The following LOXL2 variants were observed in gnomAD, a reference collection of about 807,000 sequenced individuals.
LOXL2 encodes the protein lysyl oxidase homolog 2.
In LOXL2, 70 loss-of-function variants were observed where a neutral mutation model predicts 93.0. That is an observed-to-expected ratio of 0.75 (90% CI 0.62 to 0.92). LOXL2 has a LOEUF of 0.92. LOXL2 is among the 40% of genes least tolerant of loss of function. LOXL2 has a pLI of 0.00. For synonymous variants in LOXL2, 438 were observed against 413.2 expected (o/e 1.06, Z -0.73); for missense variants, 973 against 1,054.9 (o/e 0.92, Z 1.08).
intron 3 of LOXL2, among the ~76,000 whole-genome samples, chr8:23,342,289 T>C (rs575717861): frequency 1.6e-3 from 237 of 151,588 alleles, no homozygotes; most frequent in African/African-American, 5.5e-3. Flanking sequence ...AGACATGCCA[T>C]AACAGGCTCC....
intron 7 of LOXL2, among the ~76,000 whole-genome samples, chr8:23,321,538 A>T (rs1038491685): frequency 2.6e-5 from 4 of 152,136 alleles, no homozygotes; most frequent in Admixed American, 6.5e-5. Flanking sequence ...GTGACAATGG[A>T]GCGTATGGGA....
At chr8:23,387,848 A>T (rs931003075) in intron 1 of LOXL2, among the ~76,000 whole-genome samples, 1 of 151,974 alleles carries the variant, frequency 6.6e-6, no homozygotes, top group Non-Finnish European at 1.5e-5. Flanking sequence ...TACTTGGGAG[A>T]CTGAGGCAGG....
intron 1 of LOXL2, among the ~76,000 whole-genome samples, chr8:23,382,234 G>A (rs574485393): frequency 6.6e-6 from 1 of 152,146 alleles, no homozygotes; most frequent in South Asian, 2.1e-4. Flanking sequence ...AATGCAATCA[G>A]CGGCCAGGCA....
intron 5 of LOXL2, 86 bp from the exon 6 acceptor site, chr8:23,328,651 C>A: frequency 1.5e-6 from 2 of 1,325,024 alleles, no homozygotes; most frequent in South Asian, 1.2e-5. Context: ...CCTTCCCTGC[C>A]ACCCTGTTCC....
chr8:23,375,685 G>C (rs936080689), intron 1 of LOXL2, among the ~76,000 whole-genome samples: 1 of 152,030 alleles, frequency 6.6e-6, no homozygotes, highest in African/African-American at 2.4e-5. Flanking sequence ...TGGATTACTA[G>C]GTATTTTATT....
chr8:23,354,598 G>A (rs1184581007), intron 3 of LOXL2, among the ~76,000 whole-genome samples: 2 of 152,074 alleles, frequency 1.3e-5, no homozygotes, highest in African/African-American at 4.8e-5. Context: ...CTGTGTGTGT[G>A]TGTGTGTGTT....
intron 2 of LOXL2, among the ~76,000 whole-genome samples, chr8:23,362,254 T>A (rs1284198053): frequency 6.6e-6 from 1 of 152,086 alleles, no homozygotes; most frequent in Non-Finnish European, 1.5e-5. Context: ...TTGTATGGGG[T>A]ATCTAGAGGA....
chr8:23,297,852 G>A lies in LOXL2; in HGVS notation c.*191C>T, dbSNP rs11785468. The A allele has an allele frequency of 0.015, 8,695 of 561,738 alleles. 113 individuals are homozygous for A. The highest frequency in any genetic ancestry group is 0.021 in the Non-Finnish European group (6,627 of 315,416). 34.8% of individuals were successfully genotyped at this position (561,738 alleles called of 1,614,324 possible). ...AGGCCTTCTCAGGCCCCAAGGGTCAGGTAGCAGCCCCCCATGAATGATGGG... is the reference window on the plus strand; with the variant it reads ...AGGCCTTCTCAGGCCCCAAGGGTCAAGTAGCAGCCCCCCATGAATGATGGG... On this transcript the variant is annotated 3_prime_UTR_variant, in exon 14 of 14. Coordinates refer to ENST00000389131, the MANE Select transcript of LOXL2 (RefSeq NM_002318.3).
chr8:23,314,544 C>T (rs1275574605), intron 9 of LOXL2, among the ~76,000 whole-genome samples: 2 of 139,828 alleles, frequency 1.4e-5, no homozygotes, highest in Non-Finnish European at 3.1e-5. Flanking sequence ...ATCGCAAGAA[C>T]AAAAAACCAA....
chr8:23,375,534 G>A (rs1330530195), intron 1 of LOXL2, among the ~76,000 whole-genome samples: 1 of 152,086 alleles, frequency 6.6e-6, no homozygotes, highest in Non-Finnish European at 1.5e-5. Flanking sequence ...AATTACCTTG[G>A]GCAGTATGGC....
At chr8:23,388,028 GCTT>G (rs1413468101) in intron 1 of LOXL2, among the ~76,000 whole-genome samples, 2 of 152,262 alleles carry the variant, frequency 1.3e-5, no homozygotes, top group African/African-American at 4.8e-5. Context: ...CAAAGATCAT[GCTT>G]CTTAAGTTCC....
At chr8:23,361,754 C>T (rs924813657) in intron 2 of LOXL2, among the ~76,000 whole-genome samples, 7 of 152,114 alleles carry the variant, frequency 4.6e-5, no homozygotes, top group Non-Finnish European at 1.0e-4. Context: ...GGCAGAGAAT[C>T]GCTTGAACCC....
At chr8:23,380,949 G>A (rs1804673199) in intron 1 of LOXL2, among the ~76,000 whole-genome samples, 1 of 152,158 alleles carries the variant, frequency 6.6e-6, no homozygotes, top group African/African-American at 2.4e-5. Flanking sequence ...GGAGGCGGAG[G>A]TTGCAGTGAG....
At chr8:23,326,539 A>AG (rs1160265712) in intron 6 of LOXL2, among the ~76,000 whole-genome samples, 9 of 152,066 alleles carry the variant, frequency 5.9e-5, no homozygotes, top group Non-Finnish European at 1.0e-4. Context: ...GGATCACTTG[A>AG]GGTCAGGAGT....
At chr8:23,338,641 A>G (rs11782651) in intron 4 of LOXL2, among the ~76,000 whole-genome samples, 23,293 of 152,230 alleles carry the variant, frequency 0.15, 1,895 homozygotes, top group Admixed American at 0.19. Context: ...AACAGCAGCC[A>G]CAGGCTGTAG....
chr8:23,359,973 G>T, intron 3 of LOXL2, 117 bp downstream of exon 3: 1 of 930,840 alleles, frequency 1.1e-6, no homozygotes, highest in Non-Finnish European at 1.6e-6. Context: ...AATCCCATTG[G>T]GTGAGGTACC....
At chr8:23,352,039 C>G (rs1804102453) in intron 3 of LOXL2, among the ~76,000 whole-genome samples, 1 of 142,606 alleles carries the variant, frequency 7.0e-6, no homozygotes, top group Non-Finnish European at 1.5e-5. Context: ...TCTCGAACTC[C>G]TGACCTCAAG....
intron 1 of LOXL2, among the ~76,000 whole-genome samples, chr8:23,380,324 C>T (rs1380586208): frequency 5.9e-5 from 8 of 136,218 alleles, no homozygotes; most frequent in Admixed American, 1.7e-4. Flanking sequence ...ACCCAGGAGG[C>T]GGAGGTTGCA....
chr8:23,340,227 A>T (rs1803859585), intron 4 of LOXL2, among the ~76,000 whole-genome samples: 1 of 152,186 alleles, frequency 6.6e-6, no homozygotes, highest in East Asian at 1.9e-4. Flanking sequence ...GCGAGGATTA[A>T]ATGACTGAGA....
Sources: allele counts gnomAD v4.1 joint callset (sites outside exome capture counted in the v4.1 genomes callset), GRCh38; gene constraint gnomAD v4.1.1; transcripts MANE v1.5; gene names NCBI Gene and HGNC (gene_info 2026-07-23, HGNC 2026-07-21).